Variants in LCORL observed in about 807,000 individuals in gnomAD.
The protein encoded by LCORL is ligand dependent nuclear receptor corepressor like, also known as ligand-dependent nuclear receptor corepressor-like protein.
LCORL carries 41 observed loss-of-function variants against 141.8 expected under a neutral mutation model. The observed-to-expected ratio is 0.29, with a 90% CI of 0.23 to 0.38. The LOEUF (loss-of-function observed/expected upper bound fraction) is 0.38, where lower values mean the gene tolerates loss of function less well. Among genes scored for constraint, LCORL ranks in the 10% least tolerant of loss-of-function variants. LCORL has a pLI of 1.00. For synonymous variants in LCORL, 618 were observed against 694.1 expected (o/e 0.89, Z 1.72); for missense variants, 1,759 against 2,035.0 (o/e 0.86, Z 2.61).
At chr4:17,987,758 G>A (rs1719245848) in intron 1 of LCORL, among the ~76,000 whole-genome samples, 1 of 152,140 alleles carries the variant, frequency 6.6e-6, no homozygotes, top group African/African-American at 2.4e-5. Flanking sequence ...ATTTTTTCAT[G>A]TGTTCATTGG....
chr4:17,892,343 G>C (rs375365299), intron 5 of LCORL, among the ~76,000 whole-genome samples: 2 of 151,642 alleles, frequency 1.3e-5, no homozygotes, highest in African/African-American at 4.8e-5. Flanking sequence ...CAAGTAGCTG[G>C]GATTACAGGC....
At chr4:17,901,723 C>G (rs1457165248) in intron 5 of LCORL, among the ~76,000 whole-genome samples, 2 of 151,404 alleles carry the variant, frequency 1.3e-5, no homozygotes, top group Admixed American at 1.3e-4. Flanking sequence ...TATATAACTT[C>G]AAAGTAAGCA....
At chr4:17,985,652 T>C (rs1398415061) in intron 1 of LCORL, among the ~76,000 whole-genome samples, 2 of 152,176 alleles carry the variant, frequency 1.3e-5, no homozygotes, top group African/African-American at 4.8e-5. Context: ...AGCCTATGGG[T>C]GTCACTGTGT....
At chr4:17,993,343 C>G (rs1403858528) in intron 1 of LCORL, among the ~76,000 whole-genome samples, 1 of 152,130 alleles carries the variant, frequency 6.6e-6, no homozygotes, top group Non-Finnish European at 1.5e-5. Context: ...GCTGGGATTA[C>G]AGGCATGTGC....
exon 7 of LCORL, chr4:17,877,668 G>C: frequency 8.1e-7 from 1 of 1,229,058 alleles, no homozygotes; most frequent in Non-Finnish European, 1.0e-6. Flanking sequence ...TGATAATGGT[G>C]GGGGTGAGGG....
exon 7 of LCORL, chr4:17,876,520 G>C (rs952594856): frequency 8.1e-7 from 1 of 1,230,610 alleles, no homozygotes; most frequent in African/African-American, 1.6e-5. Flanking sequence ...ATTTTGTTTA[G>C]GTCTATATTG....
intron 4 of LCORL, among the ~76,000 whole-genome samples, chr4:17,925,878 C>CAAAAAAAA (rs71167343): frequency 6.2e-5 from 6 of 96,606 alleles, no homozygotes; most frequent in East Asian, 8.3e-4. Context: ...GATTCCATCT[C>CAAAAAAAA]AAAAAAAAAA....
chr4:17,921,506 AG>A (rs1230613369), intron 4 of LCORL, among the ~76,000 whole-genome samples: 1 of 152,208 alleles, frequency 6.6e-6, no homozygotes, highest in Non-Finnish European at 1.5e-5. Context: ...GCTACAGAAT[AG>A]ATGTTCTTGT....
intron 1 of LCORL, among the ~76,000 whole-genome samples, chr4:17,987,736 A>C (rs1719238724): frequency 1.3e-5 from 2 of 152,220 alleles, no homozygotes; most frequent in Non-Finnish European, 2.9e-5. Context: ...CTAGTGACTA[A>C]TGATGTTGAA....
intron 7 of LCORL, among the ~76,000 whole-genome samples, chr4:17,855,396 T>C (rs1303758816): frequency 6.6e-6 from 1 of 152,158 alleles, no homozygotes; most frequent in African/African-American, 2.4e-5. Context: ...GCCAACCAAC[T>C]GTAAAAGACT....
chr4:17,906,598 G>C (rs1731657333), intron 5 of LCORL, among the ~76,000 whole-genome samples: 1 of 151,716 alleles, frequency 6.6e-6, no homozygotes, highest in South Asian at 2.1e-4. Flanking sequence ...ATAATTACAT[G>C]ACTTGTGTTC....
At chr4:17,912,879 C>A (rs1001247720) in intron 4 of LCORL, 10 of 455,284 alleles carry the variant, frequency 2.2e-5, no homozygotes, top group South Asian at 1.6e-4. Context: ...CCCTGGACAG[C>A]AGCAATTCCA....
At position 17,974,715 on chromosome 4, in the gene LCORL, AATT is replaced by A. The variant is rs1275003786; in HGVS notation, c.155-1833_155-1831del. 6.6e-5 allele frequency among the ~76,000 whole-genome samples: 10 copies of A among 152,266 alleles called. No individual in the cohort carries two copies. In the East Asian group the frequency reaches 1.9e-3, roughly 29 times the overall value. ...GAGTTTGTGTATTATAATATTTATTAATTATTAGTCAGACTTGGAGCTCTCTTT... is the reference window on the plus strand; with the variant it reads ...GAGTTTGTGTATTATAATATTTATTAATTAGTCAGACTTGGAGCTCTCTTT... On this transcript the variant is annotated intron_variant, in intron 1 of 7. Transcript: ENST00000635767.
At chr4:17,985,762 T>G (rs1718848856) in intron 1 of LCORL, among the ~76,000 whole-genome samples, 1 of 152,206 alleles carries the variant, frequency 6.6e-6, no homozygotes, top group Admixed American at 6.5e-5. Flanking sequence ...CCCATTAACA[T>G]TCAACATTAG....
chr4:17,859,661 A>C (rs919485690), intron 7 of LCORL, among the ~76,000 whole-genome samples: 2 of 152,232 alleles, frequency 1.3e-5, no homozygotes, highest in African/African-American at 4.8e-5. Flanking sequence ...AAGAAAAAAT[A>C]GGAACAATGT....
At chr4:17,872,143 T>C (rs982060418) in intron 7 of LCORL, among the ~76,000 whole-genome samples, 1 of 151,662 alleles carries the variant, frequency 6.6e-6, no homozygotes, top group Non-Finnish European at 1.5e-5. Flanking sequence ...GATGCAACTA[T>C]ATAATATCTT....
intron 7 of LCORL, among the ~76,000 whole-genome samples, chr4:17,856,539 CTA>C (rs1432144716): frequency 2.6e-5 from 4 of 152,178 alleles, no homozygotes; most frequent in African/African-American, 4.8e-5. Flanking sequence ...GCCATGCCAT[CTA>C]TGTTATTTTG....
intron 7 of LCORL, among the ~76,000 whole-genome samples, chr4:17,855,510 A>G (rs1040154632): frequency 2.0e-5 from 3 of 152,196 alleles, no homozygotes; most frequent in African/African-American, 7.2e-5. Context: ...TATACTATCA[A>G]TATCAAATTG....
rs752884617 is a variant in LCORL at position 17,909,354 on chromosome 4, G to T, written c.431-9C>A. ...ACAGTTCTGAGGAAGATCTAGGGAA[G>T]AAATAAATATAATAATCATTTTAAA... On this transcript the variant is annotated splice_polypyrimidine_tract_variant and intron_variant, in intron 4 of 7. Coordinates refer to ENST00000635767, the Ensembl canonical transcript of LCORL. 1.3e-6 allele frequency: 2 copies of T among 1,546,002 alleles called. No individual in the cohort carries two copies. The highest frequency in any genetic ancestry group is 4.1e-5 in the Admixed American group (2 of 49,004).
Sources: gnomAD v4.1 joint callset for allele counts (sites outside exome capture counted in the v4.1 genomes callset) on GRCh38, gnomAD v4.1.1 for gene constraint, MANE v1.5 for transcripts, NCBI Gene and HGNC (gene_info 2026-07-23, HGNC 2026-07-21) for gene names.